Variants in SETBP1 observed in about 807,000 individuals in gnomAD.
SETBP1 encodes the protein SET-binding protein.
SETBP1 carries 9 observed loss-of-function variants against 101.0 expected under a neutral mutation model. The ratio of observed to expected loss-of-function variants is 0.09; its 90% CI spans 0.05 to 0.16. The LOEUF (loss-of-function observed/expected upper bound fraction) is 0.16, where lower values mean the gene tolerates loss of function less well. SETBP1 is among the 10% of genes least tolerant of loss of function. SETBP1 has a pLI of 1.00. For missense variants in SETBP1, 1,858 were observed against 2,033.8 expected (o/e 0.91, Z 1.66); for synonymous variants, 818 against 788.5 (o/e 1.04, Z -0.63).
At chr18:44,899,371 C>T (rs765799874) in intron 3 of SETBP1, among the ~76,000 whole-genome samples, 1 of 152,096 alleles carries the variant, frequency 6.6e-6, no homozygotes, top group Admixed American at 6.6e-5. Flanking sequence ...AGATCATAAC[C>T]GGGGATTGCA....
intron 5 of SETBP1, among the ~76,000 whole-genome samples, chr18:45,048,865 G>C (rs1445413791): frequency 6.7e-6 from 1 of 150,070 alleles, no homozygotes. Flanking sequence ...CCAGCTACTC[G>C]GAAGGCTGAG....
At chr18:44,965,505 A>G (rs1240630761) in intron 4 of SETBP1, among the ~76,000 whole-genome samples, 2 of 152,206 alleles carry the variant, frequency 1.3e-5, no homozygotes, top group Non-Finnish European at 2.9e-5. Flanking sequence ...CATAAAGCCA[A>G]TAGTTTCCAT....
chr18:44,838,967 A>T (rs1054131051), intron 2 of SETBP1, among the ~76,000 whole-genome samples: 9 of 152,114 alleles, frequency 5.9e-5, no homozygotes, highest in African/African-American at 2.2e-4. Context: ...AAGCTCTTTA[A>T]AACTAATAAT....
intron 2 of SETBP1, among the ~76,000 whole-genome samples, chr18:44,791,550 C>T (rs895911321): frequency 6.6e-6 from 1 of 152,126 alleles, no homozygotes; most frequent in African/African-American, 2.4e-5. Flanking sequence ...GGTTTCTAGA[C>T]GTGTCCCAAA....
Position 45,066,339 on chromosome 18 carries a change from C to A in SETBP1, c.*2641C>A, listed in dbSNP as rs539506145. ...AATAGATTGGAATACTGCAGAGGAC[C>A]AAAGCTGAGGCATGCTAAACAGCTG... On this transcript the variant is annotated 3_prime_UTR_variant, in exon 6 of 6. Coordinates refer to ENST00000649279, the MANE Select transcript of SETBP1 (RefSeq NM_015559.3). 2 of 152,296 alleles carry A rather than the reference C, an allele frequency of 1.3e-5. No homozygotes were observed. The highest frequency in any genetic ancestry group is 1.9e-4 in the East Asian group (1 of 5,182). The allele number at this position is 152,296 out of a possible 1,614,324, so 9.4% of individuals were successfully genotyped here.
chr18:44,882,838 T>A (rs2069561538), intron 3 of SETBP1, among the ~76,000 whole-genome samples: 1 of 152,144 alleles, frequency 6.6e-6, no homozygotes, highest in Non-Finnish European at 1.5e-5. Flanking sequence ...TGCGTTCACA[T>A]GTATGTTTTC....
intron 2 of SETBP1, among the ~76,000 whole-genome samples, chr18:44,859,015 A>G (rs1049886233): frequency 6.6e-6 from 1 of 150,656 alleles, no homozygotes; most frequent in Non-Finnish European, 1.5e-5. Flanking sequence ...AGGAAGGAAA[A>G]AAGTGTGGGA....
Position 45,063,316 on chromosome 18 carries a change from A to T in SETBP1, c.4409A>T (p.Asp1470Val). ...QPTQFDEDSR[D>V]QMPVLEKCID... ...ACCCAGTTCGATGAGGACTCCAGAG[A>T]CCAAATGCCGGTGCTGGAAAAATGC... The change falls in exon 6 of 6, where the codon GAC (aspartate) becomes GTC (valine). Residue 1470 changes from aspartate (D) to valine (V), a missense_variant. Asp to Val is a radical substitution (Grantham distance 152). Around this residue, in one of 12 missense-constraint regions of SETBP1, gnomAD observed 178 missense variants for 189.1 expected, o/e 0.94. Coordinates refer to ENST00000649279, the MANE Select transcript of SETBP1 (RefSeq NM_015559.3). 1 of 1,601,932 alleles carries T rather than the reference A, an allele frequency of 6.2e-7. No homozygotes were observed. The highest frequency in any genetic ancestry group is 1.1e-5 in the South Asian group (1 of 89,334).
At chr18:44,850,520 G>A (rs1226089090) in intron 2 of SETBP1, among the ~76,000 whole-genome samples, 1 of 152,020 alleles carries the variant, frequency 6.6e-6, no homozygotes, top group East Asian at 1.9e-4. Context: ...ACAGGCGAAC[G>A]TCACCATGCT....
chr18:44,890,761 A>C (rs7245321), intron 3 of SETBP1, among the ~76,000 whole-genome samples: 493 of 152,182 alleles, frequency 3.2e-3, no homozygotes, highest in African/African-American at 0.011. Flanking sequence ...AAAACCTGCA[A>C]CCTCATGAAG....
In SETBP1 at chr18:44,869,703, C is replaced by T. The variant is rs563564946; in HGVS notation, c.540+420C>T. 1.4e-4 allele frequency: 42 copies of T among 294,888 alleles called. No homozygotes were observed. The East Asian group carries it at 3.2e-3, about 23-fold the overall frequency. 18.3% of individuals were successfully genotyped at this position (294,888 alleles called of 1,614,324 possible). On this transcript the variant is annotated intron_variant, in intron 3 of 5. Coordinates refer to ENST00000649279, the MANE Select transcript of SETBP1 (RefSeq NM_015559.3). ...ATGCCTCCTAGTCAAGGCCTGATAG[C>T]CAAGTTAATCTCAGACTCCTGCAGA...
chr18:45,047,356 G>A (rs75953589), intron 5 of SETBP1, among the ~76,000 whole-genome samples: 11,796 of 152,200 alleles, frequency 0.078, 640 homozygotes, highest in Non-Finnish European at 0.12. Flanking sequence ...ACTCTTATGG[G>A]GCAGAGTTTA....
intron 2 of SETBP1, among the ~76,000 whole-genome samples, chr18:44,832,483 C>CCCT (rs1272138502): frequency 1.3e-5 from 2 of 152,232 alleles, no homozygotes; most frequent in African/African-American, 4.8e-5. Flanking sequence ...CAGGGCGAGC[C>CCCT]CCTCTAGCTC....
intron 2 of SETBP1, among the ~76,000 whole-genome samples, chr18:44,841,978 C>T (rs1015558961): frequency 2.0e-5 from 3 of 152,344 alleles, no homozygotes; most frequent in East Asian, 3.9e-4. Flanking sequence ...AGTGCGACCT[C>T]ACTTTGATAA....
intron 3 of SETBP1, among the ~76,000 whole-genome samples, chr18:44,901,050 G>A (rs1303434661): frequency 1.3e-5 from 2 of 152,134 alleles, no homozygotes; most frequent in African/African-American, 4.8e-5. Context: ...AACTACACAT[G>A]GGTCTTTAAT....
chr18:44,829,374 G>T (rs1003964139), intron 2 of SETBP1, among the ~76,000 whole-genome samples: 2 of 152,102 alleles, frequency 1.3e-5, no homozygotes, highest in African/African-American at 4.8e-5. Context: ...ACGAAATTTT[G>T]CTGATAAAGT....
intron 3 of SETBP1, among the ~76,000 whole-genome samples, chr18:44,926,392 T>C (rs1348640807): frequency 6.6e-6 from 1 of 152,172 alleles, no homozygotes; most frequent in Non-Finnish European, 1.5e-5. Flanking sequence ...AGCTTTTCCC[T>C]GCATGATTTT....
intron 2 of SETBP1, among the ~76,000 whole-genome samples, chr18:44,743,367 G>A (rs2070142619): frequency 6.6e-6 from 1 of 152,156 alleles, no homozygotes; most frequent in Non-Finnish European, 1.5e-5. Context: ...CCCTTCCAAG[G>A]GGGAAATTGG....
chr18:45,002,886 C>A (rs573079379), intron 4 of SETBP1, among the ~76,000 whole-genome samples: 1 of 151,906 alleles, frequency 6.6e-6, no homozygotes, highest in East Asian at 1.9e-4. Flanking sequence ...AACAGTGGGT[C>A]TTCTTAACTA....
Sources: allele counts gnomAD v4.1 joint callset (sites outside exome capture counted in the v4.1 genomes callset), GRCh38; gene constraint gnomAD v4.1.1; regional missense constraint gnomAD v4.1.1; transcripts MANE v1.5; gene names NCBI Gene and HGNC (gene_info 2026-07-23, HGNC 2026-07-21).